DAW1: variants seen among roughly 807,000 people sequenced by gnomAD.
DAW1 encodes dynein assembly factor with WD repeats 1, also known as dynein assembly factor with WD repeat domains 1.
Under a neutral mutation model 56.5 loss-of-function variants are expected in DAW1, and 47 were observed. That is an observed-to-expected ratio of 0.83 (90% confidence interval 0.66 to 1.06). The LOEUF (loss-of-function observed/expected upper bound fraction) is 1.06, where lower values mean the gene tolerates loss of function less well. Among genes scored for constraint, DAW1 ranks in the 50% least tolerant of loss-of-function variants. DAW1 has a pLI of 0.00. For missense variants in DAW1, 505 were observed against 499.3 expected (o/e 1.01, Z -0.11); for synonymous variants, 190 against 179.0 (o/e 1.06, Z -0.49).
intron 4 of DAW1, among the ~76,000 whole-genome samples, 157 bp from the exon 5 acceptor site, chr2:227,893,638 C>T (rs1691330850): frequency 6.6e-6 from 1 of 152,130 alleles, no homozygotes; most frequent in East Asian, 1.9e-4. Flanking sequence ...CGCCATTGCA[C>T]TCCAGCCTGA....
chr2:227,905,583 C>G (rs1721339), intron 8 of DAW1, among the ~76,000 whole-genome samples: 60,672 of 152,030 alleles, frequency 0.4, 12,215 homozygotes, highest in Middle Eastern at 0.55. Context: ...AAGGACCTTT[C>G]AGTTACTTGA....
intron 1 of DAW1, among the ~76,000 whole-genome samples, chr2:227,881,445 A>G (rs540563639): frequency 6.6e-6 from 1 of 152,208 alleles, no homozygotes; most frequent in African/African-American, 2.4e-5. Flanking sequence ...TAGCATGGAT[A>G]TGTTTCCTTC....
In DAW1 at chr2:227,898,089, A is replaced by G. The variant is rs899858452; in HGVS notation, c.441-93A>G. 7.0e-6 allele frequency: 5 copies of G among 713,872 alleles called. No homozygotes were observed. In the Admixed American group the frequency reaches 1.8e-4, roughly 25 times the overall value. 44.2% of individuals were successfully genotyped at this position (713,872 alleles called of 1,614,324 possible). On this transcript the variant is annotated intron_variant, in intron 5 of 12. Coordinates refer to ENST00000309931, the MANE Select transcript of DAW1 (RefSeq NM_178821.3). ...TGCTTATAGCTTTAGAAGTGAAGTA[A>G]ATTTTTTACTCATGTATTAATATCT...
Position 227,913,913 on chromosome 2 carries a change from G to GTCTA in DAW1, c.974-4864_974-4863insATCT, listed in dbSNP as rs1263375096. Among the ~76,000 whole-genome samples the GTCTA allele has an allele frequency of 1.1e-3, 120 of 106,988 alleles. 1 individual carries two copies. Among genetic ancestry groups the GTCTA allele is most frequent in the Non-Finnish European group, 3.1e-4 (15 of 47,778 alleles). The allele number at this position is 106,988 out of a possible 152,430, so 70.2% of individuals were successfully genotyped here. On this transcript the variant is annotated intron_variant, in intron 10 of 12. Coordinates refer to ENST00000309931, the MANE Select transcript of DAW1 (RefSeq NM_178821.3). Reference sequence around the variant, plus strand: ...TGTCTGTCTGTCTGTCTGTCTGTCTGTCTGTCTATCTATCTTCATCATCAT... The same window carrying GTCTA: ...TGTCTGTCTGTCTGTCTGTCTGTCTGTCTATCTGTCTATCTATCTTCATCATCAT...
chr2:227,913,652 C>T (rs1005129857), intron 10 of DAW1, among the ~76,000 whole-genome samples: 7 of 152,288 alleles, frequency 4.6e-5, no homozygotes, highest in Middle Eastern at 6.8e-3. Context: ...CATCATCCCA[C>T]TGATAACCAT....
intron 11 of DAW1, 62 bp from the exon 12 acceptor site, chr2:227,921,329 TTTTTGCTG>T: frequency 8.3e-6 from 5 of 602,344 alleles, no homozygotes; most frequent in East Asian, 5.2e-5. Flanking sequence ...TTTTTTTTTT[TTTTTGCTG>T]ATAAGAAATG....
chr2:227,897,395 T>G (rs1000618091), intron 5 of DAW1, among the ~76,000 whole-genome samples: 4 of 152,196 alleles, frequency 2.6e-5, no homozygotes, highest in Admixed American at 2.6e-4. Flanking sequence ...TATACATTTC[T>G]AGTCTGCTTT....
intron 1 of DAW1, among the ~76,000 whole-genome samples, chr2:227,884,257 G>T (rs1359490809): frequency 6.6e-6 from 1 of 152,076 alleles, no homozygotes; most frequent in Admixed American, 6.5e-5. Flanking sequence ...AAGTGAAATT[G>T]TAAATGATTA....
chr2:227,896,198 A>G (rs529428098), intron 5 of DAW1, among the ~76,000 whole-genome samples: 38 of 152,286 alleles, frequency 2.5e-4, no homozygotes, highest in African/African-American at 9.1e-4. Context: ...TTTTTATAAT[A>G]CCTTATTATG....
At chr2:227,902,942 G>T in intron 6 of DAW1, 60 bp from the exon 7 acceptor site, 1 of 1,522,386 alleles carries the variant, frequency 6.6e-7, no homozygotes, top group South Asian at 1.2e-5. Context: ...GATTTTCTGT[G>T]TATAATTAAC....
Position 227,903,019 on chromosome 2 carries a change from C to A in DAW1, c.558C>A (p.Asn186Lys), listed in dbSNP as rs754733893. ...HTAEIVCLSFNPQSTLVATGS... is the reference protein window; with the variant it reads ...HTAEIVCLSFKPQSTLVATGS... ...TAATTTAGGTGTGTTTATCATTTAA[C>A]CCTCAAAGCACATTGGTGGCGACTG... Residue 186 changes from asparagine (N) to lysine (K), a missense_variant, in exon 7 of 13, where the codon AAC (asparagine) becomes AAA (lysine). By Grantham distance (94) the Asn-to-Lys change is moderately conservative (BLOSUM62 0). Coordinates refer to ENST00000309931, the MANE Select transcript of DAW1 (RefSeq NM_178821.3). 7 of 1,613,976 alleles carry A rather than the reference C, an allele frequency of 4.3e-6. No homozygotes were observed. The South Asian group carries it at 7.7e-5, about 18-fold the overall frequency.
intron 1 of DAW1, among the ~76,000 whole-genome samples, chr2:227,875,198 T>C (rs1690852106): frequency 6.6e-6 from 1 of 152,128 alleles, no homozygotes; most frequent in Non-Finnish European, 1.5e-5. Context: ...CACTAACAAA[T>C]CCTGCTAGTC....
rs1302113851 is a variant in DAW1 at position 227,891,143 on chromosome 2, CT to C, written c.259-111del. 7 of 889,494 alleles carry C rather than the reference CT, an allele frequency of 7.9e-6. No individual in the cohort carries two copies. The Admixed American group carries it at 1.5e-4, about 20-fold the overall frequency. 55.1% of individuals were successfully genotyped at this position (889,494 alleles called of 1,614,324 possible). A position where few individuals can be genotyped will look rare whatever the true frequency, so the allele number is the denominator to read the frequency against. ...TGTCTAAAGGTAAATCAGATATTGCCTGTTTCTGATGTATAATTAAGAAAAA... is the reference window on the plus strand; with the variant it reads ...TGTCTAAAGGTAAATCAGATATTGCCGTTTCTGATGTATAATTAAGAAAAA... On this transcript the variant is annotated intron_variant, in intron 3 of 12. Transcript: ENST00000309931.
chr2:227,911,377 T>G (rs1349029281), intron 10 of DAW1, among the ~76,000 whole-genome samples: 1 of 148,216 alleles, frequency 6.7e-6, no homozygotes, highest in African/African-American at 2.5e-5. Flanking sequence ...CATGATTATA[T>G]ATATTATATA....
chr2:227,910,513 C>CAT (rs1245530264), intron 10 of DAW1, among the ~76,000 whole-genome samples: 1 of 151,628 alleles, frequency 6.6e-6, no homozygotes, highest in African/African-American at 2.4e-5. Context: ...CACACACACA[C>CAT]ACACACACAC....
At chr2:227,899,988 A>G (rs752791439) in intron 6 of DAW1, among the ~76,000 whole-genome samples, 1 of 152,222 alleles carries the variant, frequency 6.6e-6, no homozygotes, top group Non-Finnish European at 1.5e-5. Flanking sequence ...CTAAAAATTC[A>G]TGGTATATTC....
Position 227,913,982 on chromosome 2 carries a change from A to ATCTGTATCTCTCTC in DAW1, c.974-4794_974-4781dup, listed in dbSNP as rs1193191384. On this transcript the variant is annotated intron_variant, in intron 10 of 12. Transcript: ENST00000309931. ...AATCTATTGAGAGAGAGAGTCATAT[A>ATCTGTATCTCTCTC]TCTGTATCTCTCTCTCTCTCTCTCT... Among the ~76,000 whole-genome samples, 2 of 126,864 alleles carry ATCTGTATCTCTCTC rather than the reference A, an allele frequency of 1.6e-5. 1 individual carries two copies. The highest frequency in any genetic ancestry group is 5.6e-5 in the African/African-American group (2 of 35,980). 83.2% of individuals were successfully genotyped at this position (126,864 alleles called of 152,430 possible).
At chr2:227,922,887 G>T (rs1264455241) in intron 12 of DAW1, among the ~76,000 whole-genome samples, 1 of 152,120 alleles carries the variant, frequency 6.6e-6, no homozygotes, top group Non-Finnish European at 1.5e-5. Flanking sequence ...AGAGGTGAGG[G>T]GCTATGATGG....
Position 227,921,695 on chromosome 2 carries a change from T to A in DAW1, c.1213+134T>A, listed in dbSNP as rs902364592. On this transcript the variant is annotated intron_variant, in intron 12 of 12. Transcript: ENST00000309931. ...GTCACTAGCTCATCTTGGCCTGCCC[T>A]CATATTTTCATTATTTAATTTTAGT... 19 of 884,496 alleles carry A rather than the reference T, an allele frequency of 2.1e-5. No homozygotes were observed. The Admixed American group carries it at 5.1e-4, about 24-fold the overall frequency. The allele number at this position is 884,496 out of a possible 1,614,324, so 54.8% of individuals were successfully genotyped here. A position where few individuals can be genotyped will look rare whatever the true frequency, so the allele number is the denominator to read the frequency against.
Sources: gnomAD v4.1 joint callset for allele counts (sites outside exome capture counted in the v4.1 genomes callset) on GRCh38, gnomAD v4.1.1 for gene constraint, MANE v1.5 for transcripts, NCBI Gene and HGNC (gene_info 2026-07-23, HGNC 2026-07-21) for gene names.